Variants in KCNU1 observed in about 807,000 individuals in gnomAD.
KCNU1 encodes potassium calcium-activated channel subfamily U member 1.
In KCNU1, 93 loss-of-function variants were observed where a neutral mutation model predicts 126.8. The ratio of observed to expected loss-of-function variants is 0.73; its 90% CI spans 0.62 to 0.87. The LOEUF (loss-of-function observed/expected upper bound fraction) is 0.87, where lower values mean the gene tolerates loss of function less well. Ranked by LOEUF, KCNU1 falls within the 40% of genes least tolerant of loss-of-function variation. The probability of loss-of-function intolerance (pLI) is 0.00; values close to 1 mark genes in which losing one functional copy is unlikely to be tolerated. For synonymous variants in KCNU1, 523 were observed against 494.2 expected (o/e 1.06, Z -0.77); for missense variants, 1,330 against 1,367.1 (o/e 0.97, Z 0.43).
At chr8:36,920,731 C>G (rs558200765) in intron 23 of KCNU1, among the ~76,000 whole-genome samples, 1 of 152,178 alleles carries the variant, frequency 6.6e-6, no homozygotes, top group South Asian at 2.1e-4. Flanking sequence ...TGTGCGTGCG[C>G]GCACGTGCGC....
intron 7 of KCNU1, among the ~76,000 whole-genome samples, chr8:36,812,881 A>G (rs1803774806): frequency 6.6e-6 from 1 of 152,202 alleles, no homozygotes; most frequent in Non-Finnish European, 1.5e-5. Context: ...CGTTCTTTAA[A>G]AAATTATAAA....
chr8:36,910,310 T>C (rs1331654828), intron 21 of KCNU1, among the ~76,000 whole-genome samples: 1 of 152,232 alleles, frequency 6.6e-6, no homozygotes. Flanking sequence ...GCATTTGCTT[T>C]TTTAAAAAGC....
At chr8:36,897,793 C>T (rs1050301077) in intron 19 of KCNU1, among the ~76,000 whole-genome samples, 3 of 152,046 alleles carry the variant, frequency 2.0e-5, no homozygotes, top group African/African-American at 4.8e-5. Context: ...CTGTCCATAA[C>T]CTTTTCCCTC....
At chr8:36,855,780 T>A (rs974368467) in intron 18 of KCNU1, among the ~76,000 whole-genome samples, 1 of 152,130 alleles carries the variant, frequency 6.6e-6, no homozygotes, top group African/African-American at 2.4e-5. Context: ...TTTTCTGGTA[T>A]CTTGTCTTCA....
chr8:36,784,435 G>A lies in KCNU1; in HGVS notation c.25G>A (p.Glu9Lys), dbSNP rs527402776. The change falls in exon 1 of 27, where the codon GAA becomes AAA. Residue 9 changes from glutamate (E) to lysine (K), a missense_variant. By Grantham distance (56) the Glu-to-Lys change is moderately conservative. Transcript: ENST00000399881. MFQTKLRNETWEDLPKMSC... is the reference protein window; with the variant it reads MFQTKLRNKTWEDLPKMSC... ...CATGTTTCAGACTAAGCTACGAAAT[G>A]AAACTTGGGAAGACTTGCCAAAAAT... is the stretch of plus-strand genomic sequence containing the variant. The A allele has an allele frequency of 1.9e-6, 3 of 1,613,072 alleles. No homozygotes were observed. In the East Asian group the frequency reaches 6.7e-5, roughly 36 times the overall value.
At chr8:36,892,131 T>C (rs1316238181) in intron 19 of KCNU1, among the ~76,000 whole-genome samples, 2 of 152,110 alleles carry the variant, frequency 1.3e-5, no homozygotes, top group Admixed American at 1.3e-4. Flanking sequence ...TTCTGAAGCT[T>C]CTGTGTATAT....
chr8:36,906,147 C>A (rs1807619805), intron 20 of KCNU1, among the ~76,000 whole-genome samples: 1 of 149,920 alleles, frequency 6.7e-6, no homozygotes, highest in African/African-American at 2.5e-5. Context: ...TTAAATGCAC[C>A]AGGGAAACCT....
In KCNU1 at chr8:36,905,710, C is replaced by G. The variant is rs184823031; in HGVS notation, c.2012C>G (p.Thr671Ser). The stretch of plus-strand genomic sequence containing the variant: ...AACTCTCCATTCTTCCTATTTAGGA[C>G]TCTTCAACATGATGTAGAACAAGAT... ...TSSISNFTTR[T>S]LQHDVEQDSD... is the part of the protein sequence containing the mutation. Residue 671 changes from threonine (T) to serine (S), a missense_variant and splice_region_variant, in exon 20 of 27, where the codon ACT (threonine) becomes AGT (serine). Physicochemically the swap from Thr to Ser is moderately conservative, Grantham distance 58. Transcript: ENST00000399881. 4.7e-5 allele frequency: 73 copies of G among 1,559,574 alleles called. No individual in the cohort carries two copies. The Middle Eastern group carries it at 6.7e-4, about 14-fold the overall frequency.
intron 18 of KCNU1, among the ~76,000 whole-genome samples, chr8:36,861,179 T>C (rs74486513): frequency 0.067 from 10,258 of 152,184 alleles, 373 homozygotes; most frequent in Middle Eastern, 0.079. Flanking sequence ...GGACCACATG[T>C]CCACCAAATT....
chr8:36,841,800 T>C (rs1804966471), intron 16 of KCNU1, among the ~76,000 whole-genome samples: 1 of 152,100 alleles, frequency 6.6e-6, no homozygotes, highest in Non-Finnish European at 1.5e-5. Context: ...AAAGGAGACC[T>C]CATCACCAGA....
chr8:36,918,904 G>T lies in KCNU1; in HGVS notation c.2596+7G>T. The T allele has an allele frequency of 6.4e-7, 1 of 1,551,186 alleles. No homozygotes were observed. The highest frequency in any genetic ancestry group is 1.4e-5 in the African/African-American group (1 of 73,634). On this transcript the variant is annotated splice_region_variant and intron_variant, in intron 23 of 26. Coordinates refer to ENST00000399881, the MANE Select transcript of KCNU1 (RefSeq NM_001031836.3). ...CCTATCCTTACTGAACTGAGTAAGT[G>T]GTGTTTCGAGGGGAAAATTCAATGG... is the stretch of plus-strand genomic sequence containing the variant.
chr8:36,882,214 A>T (rs1806513100), intron 19 of KCNU1, among the ~76,000 whole-genome samples: 1 of 152,180 alleles, frequency 6.6e-6, no homozygotes, highest in Non-Finnish European at 1.5e-5. Flanking sequence ...GGATAAGCCC[A>T]TTTAAAAGTC....
chr8:36,833,696 T>G (rs1804644642), intron 11 of KCNU1, 37 bp downstream of exon 11: 1 of 1,233,244 alleles, frequency 8.1e-7, no homozygotes, highest in African/African-American at 1.5e-5. Flanking sequence ...GTAGTTTTCC[T>G]TAGTTGCAAC....
intron 24 of KCNU1, among the ~76,000 whole-genome samples, chr8:36,930,686 T>C (rs574682046): frequency 6.6e-6 from 1 of 152,256 alleles, no homozygotes; most frequent in African/African-American, 2.4e-5. Flanking sequence ...GTCAGTATCA[T>C]TATCCATTTT....
rs759636834 is a variant in KCNU1, at chr8:36,805,190, T to G, written c.378-5T>G. 2 of 1,603,122 alleles carry G rather than the reference T, an allele frequency of 1.2e-6. No individual in the cohort carries two copies. Among genetic ancestry groups the G allele is most frequent in the Non-Finnish European group, 1.7e-6 (2 of 1,171,904 alleles). The stretch of plus-strand genomic sequence containing the variant: ...CTTCACAAACTGTCCTTCTTTCTTT[T>G]CCAGCCCTGTTGGAAGCTGTTCATC... On this transcript the variant is annotated splice_region_variant and splice_polypyrimidine_tract_variant and intron_variant, in intron 3 of 26. Transcript: ENST00000399881.
chr8:36,864,374 C>T (rs776840968), intron 18 of KCNU1, 30 bp from the exon 19 acceptor site: 3 of 1,287,852 alleles, frequency 2.3e-6, no homozygotes, highest in Non-Finnish European at 3.4e-6. Context: ...AGAGATGTGC[C>T]AACTCACTGA....
intron 2 of KCNU1, chr8:36,795,137 G>C (rs992474587): frequency 1.3e-5 from 2 of 152,178 alleles, no homozygotes; most frequent in Non-Finnish European, 2.9e-5. Context: ...ATTGCTCAAT[G>C]GTTCTTGTGA....
chr8:36,836,426 T>C (rs1804751942), intron 13 of KCNU1, 61 bp downstream of exon 13: 1 of 1,174,976 alleles, frequency 8.5e-7, no homozygotes, highest in Non-Finnish European at 1.2e-6. Context: ...AGACGAACTT[T>C]TTAATTTTCT....
intron 7 of KCNU1, among the ~76,000 whole-genome samples, chr8:36,812,638 G>C (rs970112696): frequency 2.0e-5 from 3 of 152,084 alleles, no homozygotes; most frequent in Non-Finnish European, 2.9e-5. Flanking sequence ...AGTTAAAATA[G>C]ATAATGATTC....
Sources: gnomAD v4.1 joint callset for allele counts (sites outside exome capture counted in the v4.1 genomes callset) on GRCh38, gnomAD v4.1.1 for gene constraint, MANE v1.5 for transcripts, NCBI Gene and HGNC (gene_info 2026-07-23, HGNC 2026-07-21) for gene names.